The following TENM2 variants were observed in gnomAD, a reference collection of about 807,000 sequenced individuals.
TENM2 encodes teneurin-2.
Under a neutral mutation model 245.2 loss-of-function variants are expected in TENM2, and 52 were observed. The ratio of observed to expected loss-of-function variants is 0.21; its 90% CI spans 0.17 to 0.27. The LOEUF (loss-of-function observed/expected upper bound fraction) is 0.27. Among genes scored for constraint, TENM2 ranks in the 10% least tolerant of loss-of-function variants. The pLI is 1.00. For synonymous variants in TENM2, 1,363 were observed against 1,438.9 expected (o/e 0.95, Z 1.19); for missense variants, 3,046 against 3,666.8 (o/e 0.83, Z 4.37).
chr5:167,872,552 A>AAGAAAG (rs1773062660), intron 2 of TENM2, among the ~76,000 whole-genome samples: 15 of 48,400 alleles, frequency 3.1e-4, no homozygotes, highest in South Asian at 1.2e-3. Context: ...AAGAAAGAGA[A>AAGAAAG]AGAAAGAAAG....
At chr5:168,003,000 T>C (rs1182024701) in intron 5 of TENM2, among the ~76,000 whole-genome samples, 1 of 152,190 alleles carries the variant, frequency 6.6e-6, no homozygotes, top group Non-Finnish European at 1.5e-5. Flanking sequence ...GGGTAAGTTG[T>C]GTTTTGCATG....
chr5:167,091,087 AC>A, the TENM2 span, among the ~76,000 whole-genome samples: 5 of 152,186 alleles, frequency 3.3e-5, no homozygotes, highest in African/African-American at 1.2e-4. Flanking sequence ...AGAAGGAGAA[AC>A]CAAGCATATA....
intron 2 of TENM2, among the ~76,000 whole-genome samples, chr5:167,538,621 A>G (rs1001092749): frequency 6.6e-6 from 1 of 152,246 alleles, no homozygotes; most frequent in Non-Finnish European, 1.5e-5. Context: ...CTATCAGTAC[A>G]GATAGTGTAT....
At chr5:167,819,942 A>G (rs1767380949) in intron 2 of TENM2, among the ~76,000 whole-genome samples, 1 of 152,116 alleles carries the variant, frequency 6.6e-6, no homozygotes, top group Non-Finnish European at 1.5e-5. Flanking sequence ...ACTTCCCTTA[A>G]CAGCCCATTC....
the TENM2 span, among the ~76,000 whole-genome samples, chr5:167,163,203 A>C: frequency 8.5e-5 from 13 of 152,256 alleles, no homozygotes; most frequent in East Asian, 1.2e-3. Flanking sequence ...CCTGGGCTCC[A>C]TTGGTCCTTT....
chr5:167,914,041 A>G (rs7714662), intron 3 of TENM2, among the ~76,000 whole-genome samples: 11,678 of 152,184 alleles, frequency 0.077, 1,034 homozygotes, highest in African/African-American at 0.21. Flanking sequence ...ATAGAAGGGA[A>G]AATCACCTGT....
At chr5:168,170,027 A>AGCAGAATTAGCCTC (rs1758657774) in intron 13 of TENM2, among the ~76,000 whole-genome samples, 1 of 152,194 alleles carries the variant, frequency 6.6e-6, no homozygotes, top group Admixed American at 6.5e-5. Flanking sequence ...TTAGGAGGGA[A>AGCAGAATTAGCCTC]GCAGAATTAG....
At chr5:167,045,686 C>T in the TENM2 span, among the ~76,000 whole-genome samples, 1 of 152,172 alleles carries the variant, frequency 6.6e-6, no homozygotes, top group Non-Finnish European at 1.5e-5. Flanking sequence ...ACTTTTTATC[C>T]AGTTTATTCA....
At chr5:167,059,452 A>G in the TENM2 span, among the ~76,000 whole-genome samples, 6 of 152,196 alleles carry the variant, frequency 3.9e-5, no homozygotes, top group Admixed American at 2.0e-4. Flanking sequence ...TTTTCAGACG[A>G]ATGTTTCTAC....
chr5:167,171,426 A>G, the TENM2 span, among the ~76,000 whole-genome samples: 2 of 152,296 alleles, frequency 1.3e-5, no homozygotes, highest in South Asian at 4.1e-4. Flanking sequence ...CAGGGGCCCA[A>G]CGGGAAACAG....
At chr5:168,262,413 T>G (rs1768283091) in exon 29 of TENM2, 1 of 1,585,094 alleles carries the variant, frequency 6.3e-7, no homozygotes, top group Non-Finnish European at 8.6e-7. Context: ...CGCAAGGTGC[T>G]AGAGAGCGGG....
intron 3 of TENM2, among the ~76,000 whole-genome samples, chr5:167,942,945 C>G (rs1026219520): frequency 2.6e-5 from 4 of 152,056 alleles, no homozygotes; most frequent in African/African-American, 7.2e-5. Context: ...TGGGTGCGTA[C>G]GTGTGTGTAT....
At chr5:168,015,716 AC>A (rs1785595701) in intron 5 of TENM2, among the ~76,000 whole-genome samples, 1 of 152,140 alleles carries the variant, frequency 6.6e-6, no homozygotes, top group African/African-American at 2.4e-5. Context: ...GAGTCAGCAA[AC>A]AGCCATGAGA....
chr5:168,054,335 G>A (rs1347164058), intron 6 of TENM2, among the ~76,000 whole-genome samples: 1 of 152,178 alleles, frequency 6.6e-6, no homozygotes, highest in Admixed American at 6.5e-5. Context: ...TGTATTCTTG[G>A]GCAGTCAATC....
chr5:167,067,376 G>T, the TENM2 span, among the ~76,000 whole-genome samples: 1 of 152,214 alleles, frequency 6.6e-6, no homozygotes, highest in Non-Finnish European at 1.5e-5. Context: ...TTGAAAATAT[G>T]ATTGTGTTTT....
chr5:167,859,310 C>T (rs1771435953), intron 2 of TENM2, among the ~76,000 whole-genome samples: 10 of 144,898 alleles, frequency 6.9e-5, no homozygotes, highest in African/African-American at 2.5e-4. Flanking sequence ...GCCTCTCCGC[C>T]CGGCAGCCAC....
At chr5:167,778,273 T>A (rs1169358275) in intron 2 of TENM2, among the ~76,000 whole-genome samples, 1 of 152,010 alleles carries the variant, frequency 6.6e-6, no homozygotes, top group Non-Finnish European at 1.5e-5. Context: ...CAAGAGCCAT[T>A]TATGTGGAGG....
chr5:167,971,731 C>T (rs1034286436), intron 4 of TENM2, among the ~76,000 whole-genome samples: 1 of 151,710 alleles, frequency 6.6e-6, no homozygotes, highest in African/African-American at 2.4e-5. Context: ...CAAAACAAAA[C>T]AAAACAAAAA....
chr5:168,114,548 G>C (rs1005575988), intron 9 of TENM2, among the ~76,000 whole-genome samples: 68 of 152,284 alleles, frequency 4.5e-4, no homozygotes, highest in African/African-American at 1.6e-3. Flanking sequence ...GTCTGAGAAT[G>C]AATCAGTTGC....
Sources: allele counts gnomAD v4.1 joint callset (sites outside exome capture counted in the v4.1 genomes callset), GRCh38; gene constraint gnomAD v4.1.1; transcripts MANE v1.5; gene names NCBI Gene and HGNC (gene_info 2026-07-23, HGNC 2026-07-21).